Variants in UTP20 observed in about 807,000 individuals in gnomAD.
The protein encoded by UTP20 is small subunit processome component 20 homolog.
Under a neutral mutation model 329.5 loss-of-function variants are expected in UTP20, and 164 were observed. That is an observed-to-expected ratio of 0.50 (90% CI 0.44 to 0.57). The LOEUF (loss-of-function observed/expected upper bound fraction) is 0.57, where lower values mean the gene tolerates loss of function less well. Among genes scored for constraint, UTP20 ranks in the 20% least tolerant of loss-of-function variants. The pLI, the probability that UTP20 is intolerant of heterozygous loss-of-function variation, is 0.00. For missense variants in UTP20, 3,055 were observed against 3,284.2 expected (o/e 0.93, Z 1.71); for synonymous variants, 1,151 against 1,159.3 (o/e 0.99, Z 0.14).
At chr12:101,290,409 A>T in intron 7 of UTP20, 135 bp downstream of exon 7, 3 of 1,082,180 alleles carry the variant, frequency 2.8e-6, no homozygotes, top group Non-Finnish European at 2.5e-6. Flanking sequence ...GGTGTTCAGT[A>T]ACAATGCTTA....
Position 101,287,408 on chromosome 12 carries a change from T to G in UTP20, c.515+899T>G, listed in dbSNP as rs1349399366. Among the ~76,000 whole-genome samples, 3 of 152,278 alleles carry G rather than the reference T, an allele frequency of 2.0e-5. No homozygotes were observed. The East Asian group carries it at 5.8e-4, about 29-fold the overall frequency. On this transcript the variant is annotated intron_variant, in intron 5 of 61. Transcript: ENST00000261637. ...ATTGATTTAGTTTTATGACTTCAGC[T>G]GTCATAAAAGCTGCCACTTTTATGT...
chr12:101,344,901 G>C (rs907362743), intron 36 of UTP20, 151 bp downstream of exon 36: 4 of 456,550 alleles, frequency 8.8e-6, no homozygotes, highest in Non-Finnish European at 1.2e-5. Context: ...CTTTTAATGG[G>C]AGTGGGTCTA....
In UTP20 at chr12:101,280,149, C is replaced by A; in HGVS notation, c.-134C>A. 8.2e-7 allele frequency: 1 copy of A among 1,215,896 alleles called. No homozygotes were observed. Among genetic ancestry groups the A allele is most frequent in the Non-Finnish European group, 1.1e-6 (1 of 876,224 alleles). The allele number at this position is 1,215,896 out of a possible 1,614,324, so 75.3% of individuals were successfully genotyped here. On this transcript the variant is annotated 5_prime_UTR_variant, in exon 1 of 62. The change creates a premature stop within an existing upstream ORF in the 5' untranslated region. Transcript: ENST00000261637. Reference sequence around the variant, plus strand: ...TCCAACATGGCGGCGCCCAGGGGCTCAAGCCGCACGTGAGAAAGTCTGGGC... The same window carrying A: ...TCCAACATGGCGGCGCCCAGGGGCTAAAGCCGCACGTGAGAAAGTCTGGGC...
intron 8 of UTP20, 93 bp downstream of exon 8, chr12:101,290,981 T>C (rs1872126105): frequency 6.8e-6 from 9 of 1,318,120 alleles, no homozygotes; most frequent in Non-Finnish European, 9.3e-6. Flanking sequence ...CTAGAAGTTA[T>C]ATTTTATAAT....
At chr12:101,287,835 C>G (rs186403849) in intron 5 of UTP20, among the ~76,000 whole-genome samples, 25 of 152,354 alleles carry the variant, frequency 1.6e-4, no homozygotes, top group Non-Finnish European at 2.9e-5. Flanking sequence ...AAAAAATGCT[C>G]TTCTCACAAA....
chr12:101,352,288 C>T (rs1470054072), intron 39 of UTP20, 94 bp downstream of exon 39: 15 of 1,346,186 alleles, frequency 1.1e-5, no homozygotes, highest in Middle Eastern at 2.6e-4. Context: ...TTTTCTTAAT[C>T]CAGTCTATCA....
chr12:101,360,541 G>A lies in UTP20; in HGVS notation c.5692-1421G>A, dbSNP rs982948818. On this transcript the variant is annotated intron_variant, in intron 43 of 61. Coordinates refer to ENST00000261637, the MANE Select transcript of UTP20 (RefSeq NM_014503.3). The stretch of plus-strand genomic sequence containing the variant: ...TAAAAGTACTTAAAGATCACAAGTA[G>A]GGGCCGAATGCTGTGGCTCACACCT... 3.9e-5 allele frequency among the ~76,000 whole-genome samples: 6 copies of A among 152,156 alleles called. No individual in the cohort carries two copies. In the South Asian group the frequency reaches 1.0e-3, roughly 26 times the overall value.
In UTP20 at chr12:101,338,256, G is replaced by A. The variant is rs1462651023; in HGVS notation, c.3847G>A (p.Gly1283Ser). The change falls in exon 30 of 62, where the codon GGC becomes AGC. Residue 1283 changes from glycine (G) to serine (S), a missense_variant. Transcript: ENST00000261637. ...GCTGGTAACTGGATGTGTATACCCT[G>A]GCATAGCAGAAAACATCGGTGGTAT... ...NLLVTGCVYPGIAENIGESIT... is the reference protein window; with the variant it reads ...NLLVTGCVYPSIAENIGESIT... 5 of 1,614,022 alleles carry A rather than the reference G, an allele frequency of 3.1e-6. No homozygotes were observed. The highest frequency in any genetic ancestry group is 1.7e-5 in the Admixed American group (1 of 60,006).
intron 22 of UTP20, among the ~76,000 whole-genome samples, chr12:101,318,556 C>T (rs116765113): frequency 2.0e-3 from 305 of 152,150 alleles, no homozygotes; most frequent in African/African-American, 6.7e-3. Flanking sequence ...GAATTCCAGG[C>T]GTGGTGGCTC....
At chr12:101,294,750 C>T (rs773870983) in intron 11 of UTP20, among the ~76,000 whole-genome samples, 18 of 151,840 alleles carry the variant, frequency 1.2e-4, no homozygotes, top group Non-Finnish European at 2.1e-4. Context: ...ACCATGTTGG[C>T]CAGGCTGGTC....
chr12:101,290,238 A>G lies in UTP20; in HGVS notation c.699A>G (p.Lys233=). 3 of 1,609,810 alleles carry G rather than the reference A, an allele frequency of 1.9e-6. No homozygotes were observed. In the South Asian group the frequency reaches 3.3e-5, roughly 18 times the overall value. The change falls in exon 7 of 62, where the codon AAA becomes AAG. Residue 233 remains lysine (K), a synonymous_variant. Transcript: ENST00000261637. ...GVGQLLFEMC[K]GVRNMFHSCT... is the part of the protein sequence containing the mutation. The stretch of plus-strand genomic sequence containing the variant: ...GACAGTTGCTCTTTGAAATGTGCAA[A>G]GGAGTTAGAAATATGTTTCACTCCT...
intron 56 of UTP20, among the ~76,000 whole-genome samples, chr12:101,377,481 C>G (rs1870513541): frequency 1.3e-5 from 2 of 152,068 alleles, no homozygotes; most frequent in African/African-American, 4.8e-5. Context: ...CAGGCGTGTG[C>G]CACCATGCCC....
In UTP20 at chr12:101,333,339, A is replaced by T; in HGVS notation, c.3456A>T (p.Arg1152Ser). The T allele has an allele frequency of 6.2e-7, 1 of 1,614,008 alleles. No individual in the cohort carries two copies. Among genetic ancestry groups the T allele is most frequent in the Non-Finnish European group, 8.5e-7 (1 of 1,179,934 alleles). The change falls in exon 28 of 62, where the codon AGA becomes AGT. Residue 1152 changes from arginine (R) to serine (S), a missense_variant. By Grantham distance (110) the Arg-to-Ser change is moderately radical. Transcript: ENST00000261637. The stretch of plus-strand genomic sequence containing the variant: ...TTATTAATCCATTGAAAAATTTAAG[A>T]CGTCTTGGAATCAAAATGGTAACTG... ...LRFINPLKNL[R>S]RLGIKMVTDI...
At chr12:101,332,755 A>G (rs956014731) in intron 27 of UTP20, among the ~76,000 whole-genome samples, 1 of 152,204 alleles carries the variant, frequency 6.6e-6, no homozygotes, top group Non-Finnish European at 1.5e-5. Flanking sequence ...CACTGTATGG[A>G]AAAATCATAA....
intron 58 of UTP20, among the ~76,000 whole-genome samples, 188 bp from the exon 59 acceptor site, chr12:101,382,852 TA>T (rs541190674): frequency 0.064 from 8,511 of 133,354 alleles, 317 homozygotes; most frequent in African/African-American, 0.097. Flanking sequence ...GCTCTGTCTT[TA>T]AAAAAAAAAA....
At chr12:101,282,335 T>C (rs1593414320) in intron 2 of UTP20, among the ~76,000 whole-genome samples, 1 of 152,256 alleles carries the variant, frequency 6.6e-6, no homozygotes. Flanking sequence ...TTTAGCATGG[T>C]AAAGAGGACA....
rs777962533 is a variant in UTP20 at position 101,315,597 on chromosome 12, T to C, written c.2553-1881T>C. Among the ~76,000 whole-genome samples, 55 of 152,174 alleles carry C rather than the reference T, an allele frequency of 3.6e-4. 1 individual carries two copies. Among genetic ancestry groups the C allele is most frequent in the Non-Finnish European group, 1.0e-4 (7 of 68,028 alleles). ...TTCTGGCAAGGCACAAGCAAAGATA[T>C]AGCAGGTCAGTAGATATAGTGGCAG... On this transcript the variant is annotated intron_variant, in intron 21 of 61. Transcript: ENST00000261637.
intron 27 of UTP20, among the ~76,000 whole-genome samples, chr12:101,331,104 A>T (rs146347040): frequency 2.0e-5 from 3 of 152,220 alleles, no homozygotes; most frequent in African/African-American, 7.2e-5. Context: ...TTGTAAACAT[A>T]CACAAACTCA....
chr12:101,295,613 T>C lies in UTP20; in HGVS notation c.1385T>C (p.Met462Thr). The C allele has an allele frequency of 6.2e-7, 1 of 1,612,730 alleles. No individual in the cohort carries two copies. The highest frequency in any genetic ancestry group is 8.5e-7 in the Non-Finnish European group (1 of 1,179,126). ...NKAAPPTAGS[M>T]AIEKYPLVFS... is the part of the protein sequence containing the mutation. The stretch of plus-strand genomic sequence containing the variant: ...GCAGCACCTCCCACTGCTGGCTCGA[T>C]GGCAATTGAAAAGTACCCTCTGGTT... Residue 462 changes from methionine (M) to threonine (T), a missense_variant, in exon 12 of 62, where the codon ATG becomes ACG. This residue lies in a region of UTP20 where 2,445 missense variants were observed against 2,575.5 expected (regional missense o/e 0.95). Coordinates refer to ENST00000261637, the MANE Select transcript of UTP20 (RefSeq NM_014503.3).
Sources: gnomAD v4.1 joint callset for allele counts (sites outside exome capture counted in the v4.1 genomes callset) on GRCh38, gnomAD v4.1.1 for gene constraint, gnomAD v4.1.1 regional missense constraint, MANE v1.5 for transcripts, NCBI Gene and HGNC (gene_info 2026-07-23, HGNC 2026-07-21) for gene names.